The following POMK variants were observed in gnomAD, a reference collection of about 807,000 sequenced individuals.
The protein encoded by POMK is protein O-mannose kinase.
POMK carries 19 observed loss-of-function variants against 23.0 expected under a neutral mutation model. The ratio of observed to expected loss-of-function variants is 0.83; its 90% confidence interval spans 0.58 to 1.21. POMK has a LOEUF of 1.21. Among genes scored for constraint, POMK ranks in the 50% most tolerant of loss-of-function variants. The pLI is 0.00. For missense variants in POMK, 410 were observed against 431.3 expected, an observed-to-expected ratio of 0.95 and a Z score of 0.44; for synonymous variants, 173 against 171.6, an observed-to-expected ratio of 1.01 and a Z score of -0.06.
chr8:43,103,223 T>C (rs1811478038), intron 3 of POMK, among the ~76,000 whole-genome samples: 1 of 152,194 alleles, frequency 6.6e-6, no homozygotes, highest in Non-Finnish European at 1.5e-5. Context: ...TTCATTTTAC[T>C]GAATATTCAT....
chr8:43,101,800 G>A (rs764879587), intron 2 of POMK, among the ~76,000 whole-genome samples: 11 of 152,220 alleles, frequency 7.2e-5, no homozygotes, highest in Non-Finnish European at 1.3e-4. Flanking sequence ...AGTAAAAAAG[G>A]AGTCTTCATC....
chr8:43,102,363 G>A (rs532775575), intron 2 of POMK, 142 bp from the exon 3 acceptor site: 1 of 152,688 alleles, frequency 6.5e-6, no homozygotes, highest in African/African-American at 2.4e-5. Flanking sequence ...GCTCTGTCCT[G>A]GGGCTTGAGA....
chr8:43,105,529 T>C (rs574677180), intron 4 of POMK, among the ~76,000 whole-genome samples: 229 of 152,376 alleles, frequency 1.5e-3, no homozygotes, highest in African/African-American at 5.4e-3. Context: ...TTTTTATAGC[T>C]GAATAGTATT....
At chr8:43,096,206 G>A (rs1489998049) in intron 1 of POMK, among the ~76,000 whole-genome samples, 3 of 152,206 alleles carry the variant, frequency 2.0e-5, no homozygotes, top group Non-Finnish European at 4.4e-5. Flanking sequence ...GAGCCTTTGA[G>A]GAAAGCTCAG....
chr8:43,111,030 C>T (rs540320687), intron 4 of POMK, among the ~76,000 whole-genome samples: 25 of 152,296 alleles, frequency 1.6e-4, no homozygotes, highest in Middle Eastern at 6.8e-3. Flanking sequence ...GCATTTCCAA[C>T]TGAGGTACCA....
chr8:43,122,900 T>C lies in POMK; in HGVS notation c.*23T>C, dbSNP rs199892708. The C allele has an allele frequency of 4.1e-4, 655 of 1,580,320 alleles. 7 individuals carry two copies. The highest frequency in any genetic ancestry group is 6.5e-4 in the Admixed American group (37 of 57,106). ...TGAAAACCAGTCCAGCCAATGAAGG[T>C]GGGATTGAAGGGCTGAATGGAAGTT... On this transcript the variant is annotated 3_prime_UTR_variant, in exon 5 of 5. Coordinates refer to ENST00000331373, the MANE Select transcript of POMK (RefSeq NM_032237.5).
chr8:43,119,046 C>T (rs1229986226), intron 4 of POMK, among the ~76,000 whole-genome samples: 1 of 152,104 alleles, frequency 6.6e-6, no homozygotes, highest in Non-Finnish European at 1.5e-5. Flanking sequence ...CTCCTGACCT[C>T]GTGATCCACC....
chr8:43,118,718 C>G (rs1248245866), intron 4 of POMK, among the ~76,000 whole-genome samples: 1 of 152,146 alleles, frequency 6.6e-6, no homozygotes, highest in Admixed American at 6.5e-5. Flanking sequence ...ATTTAATAAT[C>G]TTCATTTATC....
At position 43,102,608 on chromosome 8, in the gene POMK, T is replaced by G. The variant is rs1563336636; in HGVS notation, c.-22+8T>G. ...AGGAGATGCGCTTGGGAGGTAACCC[T>G]GCATGTCACAGCTGTCTCTGACCCA... On this transcript the variant is annotated splice_region_variant and intron_variant, in intron 3 of 4. Transcript: ENST00000331373. 6.6e-6 allele frequency: 1 copy of G among 152,568 alleles called. No individual in the cohort carries two copies. Among genetic ancestry groups the G allele is most frequent in the African/African-American group, 2.4e-5 (1 of 41,444 alleles). 9.5% of individuals were successfully genotyped at this position (152,568 alleles called of 1,614,324 possible).
At position 43,093,577 on chromosome 8, in the gene POMK, C is replaced by T. The variant is rs1029040627; in HGVS notation, c.-210+14C>T. On this transcript the variant is annotated intron_variant, in intron 1 of 4. Coordinates refer to ENST00000331373, the MANE Select transcript of POMK (RefSeq NM_032237.5). Reference sequence around the variant, plus strand: ...CTTGGGCTGCAGGTAGGTGCTGCGGCGAGGGGTGAGAGGGCGAAGGGGCGA... The same window carrying T: ...CTTGGGCTGCAGGTAGGTGCTGCGGTGAGGGGTGAGAGGGCGAAGGGGCGA... 2.6e-5 allele frequency: 4 copies of T among 152,904 alleles called. No individual in the cohort carries two copies. The highest frequency in any genetic ancestry group is 4.8e-5 in the African/African-American group (2 of 41,588). The allele number at this position is 152,904 out of a possible 1,614,324, so 9.5% of individuals were successfully genotyped here.
rs932642919 is a variant in POMK, at chr8:43,117,271, G to A, written c.283-4836G>A. Among the ~76,000 whole-genome samples, 7 of 152,356 alleles carry A rather than the reference G, an allele frequency of 4.6e-5. No homozygotes were observed. The East Asian group carries it at 7.7e-4, about 17-fold the overall frequency. On this transcript the variant is annotated intron_variant, in intron 4 of 4. Transcript: ENST00000331373. ...CGTATATGTGCAAGTCACAGGGGATGCGATGGCTTGGCTTGGGCTCAGAAG... is the reference window on the plus strand; with the variant it reads ...CGTATATGTGCAAGTCACAGGGGATACGATGGCTTGGCTTGGGCTCAGAAG...
intron 2 of POMK, among the ~76,000 whole-genome samples, chr8:43,100,484 G>T (rs1250451446): frequency 6.6e-6 from 1 of 151,858 alleles, no homozygotes; most frequent in Non-Finnish European, 1.5e-5. Flanking sequence ...CGTGTGTGGT[G>T]ATGGGGGTGT....
intron 4 of POMK, among the ~76,000 whole-genome samples, chr8:43,106,923 A>T (rs1301431026): frequency 6.6e-6 from 1 of 152,182 alleles, no homozygotes; most frequent in South Asian, 2.1e-4. Context: ...CTTCATGCTG[A>T]CAGGGGGCAT....
chr8:43,095,878 G>T (rs151030281), intron 1 of POMK, among the ~76,000 whole-genome samples: 2 of 152,214 alleles, frequency 1.3e-5, no homozygotes, highest in African/African-American at 4.8e-5. Flanking sequence ...AGGGTTGGAG[G>T]GTTGAAAGGA....
intron 4 of POMK, among the ~76,000 whole-genome samples, chr8:43,118,043 A>G (rs931420850): frequency 1.1e-4 from 16 of 152,218 alleles, no homozygotes; most frequent in Non-Finnish European, 2.4e-4. Flanking sequence ...TCTTTACAAA[A>G]TTATAGCTAC....
intron 4 of POMK, among the ~76,000 whole-genome samples, chr8:43,112,426 ATCT>A (rs1811692957): frequency 6.6e-6 from 1 of 152,228 alleles, no homozygotes; most frequent in Non-Finnish European, 1.5e-5. Context: ...AAAAGACCAA[ATCT>A]ACGTCTGATT....
intron 4 of POMK, among the ~76,000 whole-genome samples, chr8:43,117,414 A>G (rs1479977644): frequency 6.6e-6 from 1 of 152,208 alleles, no homozygotes; most frequent in Non-Finnish European, 1.5e-5. Context: ...AAACGTCTTT[A>G]TCCTTGGTTT....
chr8:43,095,139 A>G (rs568856202), intron 1 of POMK, among the ~76,000 whole-genome samples: 1 of 152,120 alleles, frequency 6.6e-6, no homozygotes, highest in South Asian at 2.1e-4. Flanking sequence ...ATTTAGTTCA[A>G]CTCCCGAGCA....
chr8:43,116,655 G>A (rs1811805037), intron 4 of POMK, among the ~76,000 whole-genome samples: 1 of 152,092 alleles, frequency 6.6e-6, no homozygotes, highest in South Asian at 2.1e-4. Flanking sequence ...GGAGATTAGG[G>A]GCACTGATCC....
Sources: gnomAD v4.1 joint callset for allele counts (sites outside exome capture counted in the v4.1 genomes callset) on GRCh38, gnomAD v4.1.1 for gene constraint, MANE v1.5 for transcripts, NCBI Gene and HGNC (gene_info 2026-07-23, HGNC 2026-07-21) for gene names.